SPEF2: variants seen among roughly 807,000 people sequenced by gnomAD.
The protein encoded by SPEF2 is sperm flagellar and cilia associated 2, also known as sperm flagella and cilia-associated protein 2.
In SPEF2, 187 loss-of-function variants were observed where a neutral mutation model predicts 224.6. That is an observed-to-expected ratio of 0.83 (90% CI 0.74 to 0.94). The LOEUF (loss-of-function observed/expected upper bound fraction) is 0.94, where lower values mean the gene tolerates loss of function less well. Ranked by LOEUF, SPEF2 falls within the 40% of genes least tolerant of loss-of-function variation. The pLI is 0.00. For synonymous variants in SPEF2, 715 were observed against 707.3 expected (o/e 1.01, Z -0.17); for missense variants, 2,170 against 2,135.6 (o/e 1.02, Z -0.32).
intron 15 of SPEF2, chr5:35,698,822 A>G (rs1755707739): frequency 6.6e-6 from 1 of 152,192 alleles, no homozygotes; most frequent in African/African-American, 2.4e-5. Context: ...CCATCATCTC[A>G]TGTCCTCAAA....
At chr5:35,713,222 G>A (rs13154215) in intron 20 of SPEF2, among the ~76,000 whole-genome samples, 114,077 of 151,816 alleles carry the variant, frequency 0.75, 43,211 homozygotes, top group Middle Eastern at 0.83. Flanking sequence ...CCCCTTATTG[G>A]ATTTCCTTCA....
chr5:35,777,843 G>A (rs955985469), intron 29 of SPEF2, among the ~76,000 whole-genome samples: 1 of 152,014 alleles, frequency 6.6e-6, no homozygotes, highest in Admixed American at 6.6e-5. Flanking sequence ...CTGATGCCCA[G>A]TAAAGGTATT....
chr5:35,674,337 CTTTTTTTTTT>C (rs35129181), intron 10 of SPEF2, among the ~76,000 whole-genome samples: 3 of 94,464 alleles, frequency 3.2e-5, no homozygotes, highest in Admixed American at 2.2e-4. Flanking sequence ...TTTTCGTCTT[CTTTTTTTTTT>C]TTTTTTTTTT....
In SPEF2 at chr5:35,733,763, C is replaced by CA. The variant is rs1746059022; in HGVS notation, c.3063+5941dup. Among the ~76,000 whole-genome samples the CA allele has an allele frequency of 2.0e-5, 3 of 150,950 alleles. No individual in the cohort carries two copies. The South Asian group carries it at 6.3e-4, about 32-fold the overall frequency. On this transcript the variant is annotated intron_variant, in intron 21 of 36. Coordinates refer to ENST00000356031, the MANE Select transcript of SPEF2 (RefSeq NM_024867.4). The stretch of plus-strand genomic sequence containing the variant: ...TGGAATAATTTTCACTACAGTAACT[C>CA]AGAGAGACAGTACAGTGAATTGTTT...
In SPEF2 at chr5:35,740,542, T is replaced by C. The variant is rs77818472; in HGVS notation, c.3330+275T>C. Among the ~76,000 whole-genome samples the C allele has an allele frequency of 4.0e-3, 608 of 152,294 alleles. 10 individuals carry two copies. Among genetic ancestry groups the C allele is most frequent in the African/African-American group, 0.014 (583 of 41,558 alleles). ...CTTGTAGATTTCTAGTCCCTTAGTC[T>C]CTTTGTGGGTCAATGTAACTGTGCT... On this transcript the variant is annotated intron_variant, in intron 23 of 36. Transcript: ENST00000356031.
At chr5:35,667,774 A>G (rs1750696920) in intron 9 of SPEF2, among the ~76,000 whole-genome samples, 1 of 152,160 alleles carries the variant, frequency 6.6e-6, no homozygotes, top group Non-Finnish European at 1.5e-5. Flanking sequence ...CTATCCCACA[A>G]AAGACTAATA....
At chr5:35,764,529 C>T (rs1289849345) in intron 26 of SPEF2, 2 of 455,298 alleles carry the variant, frequency 4.4e-6, no homozygotes, top group Non-Finnish European at 8.8e-6. Flanking sequence ...ATTGCTATTC[C>T]CTCATCTGCC....
At chr5:35,662,301 G>C (rs1436353832) in intron 8 of SPEF2, among the ~76,000 whole-genome samples, 1 of 151,922 alleles carries the variant, frequency 6.6e-6, no homozygotes, top group Non-Finnish European at 1.5e-5. Context: ...AAATTTGTCT[G>C]AGTTTCTTAT....
chr5:35,781,696 A>G (rs1754367612), intron 30 of SPEF2: 1 of 152,208 alleles, frequency 6.6e-6, no homozygotes, highest in Admixed American at 6.5e-5. Flanking sequence ...TGATGATTCA[A>G]AGTGAGTTAT....
intron 10 of SPEF2, among the ~76,000 whole-genome samples, chr5:35,690,501 A>G (rs765956804): frequency 2.0e-5 from 3 of 152,122 alleles, no homozygotes; most frequent in African/African-American, 4.8e-5. Context: ...TTCTAAAATC[A>G]ACTTCTAATT....
At chr5:35,786,281 G>T (rs1388848582) in intron 30 of SPEF2, among the ~76,000 whole-genome samples, 3 of 152,160 alleles carry the variant, frequency 2.0e-5, no homozygotes, top group Non-Finnish European at 4.4e-5. Flanking sequence ...ACTACAAGGA[G>T]ACTAATTTTA....
chr5:35,691,947 G>A (rs993132174), intron 11 of SPEF2, among the ~76,000 whole-genome samples: 1 of 151,610 alleles, frequency 6.6e-6, no homozygotes, highest in Admixed American at 6.6e-5. Flanking sequence ...CTACAGGTGC[G>A]CACCACTACA....
At chr5:35,690,625 T>TA (rs1754309041) in intron 10 of SPEF2, among the ~76,000 whole-genome samples, 2 of 152,112 alleles carry the variant, frequency 1.3e-5, no homozygotes, top group Admixed American at 1.3e-4. Flanking sequence ...ACGGTAGACT[T>TA]AGAGATGTTG....
chr5:35,776,216 C>A, intron 28 of SPEF2, 41 bp from the exon 29 acceptor site: 1 of 1,577,112 alleles, frequency 6.3e-7, no homozygotes, highest in South Asian at 1.2e-5. Flanking sequence ...AATGCATGCA[C>A]TGCAATATGT....
intron 7 of SPEF2, among the ~76,000 whole-genome samples, chr5:35,655,180 C>A (rs1160190617): frequency 6.6e-6 from 1 of 152,138 alleles, no homozygotes; most frequent in Non-Finnish European, 1.5e-5. Flanking sequence ...GGACGAACAG[C>A]ACCAGCATTG....
At chr5:35,640,472 C>T (rs1352725883) in intron 2 of SPEF2, among the ~76,000 whole-genome samples, 1 of 152,154 alleles carries the variant, frequency 6.6e-6, no homozygotes, top group African/African-American at 2.4e-5. Context: ...TCATATTCCT[C>T]AAAACATGGT....
chr5:35,807,350 C>A, intron 36 of SPEF2, 97 bp downstream of exon 36: 1 of 1,485,524 alleles, frequency 6.7e-7, no homozygotes, highest in Non-Finnish European at 9.0e-7. Context: ...GAGAAAGAAG[C>A]TGTACTCTGC....
rs1754388718 is a variant in SPEF2 at position 35,691,052 on chromosome 5, T to C, written c.1540T>C (p.Trp514Arg). The part of the protein sequence containing the change: ...YEEYKNMVGE[W>R]ALPEEMVDNL... ...ATTTTTACAGAACATGGTTGGAGAG[T>C]GGGCCTTACCAGAAGAAATGGTTGA... Residue 514 changes from tryptophan (W) to arginine (R), a missense_variant, in exon 11 of 37, where the codon TGG becomes CGG. Physicochemically the swap from Trp to Arg is moderately radical, Grantham distance 101. Coordinates refer to ENST00000356031, the MANE Select transcript of SPEF2 (RefSeq NM_024867.4). 1 of 1,613,626 alleles carries C rather than the reference T, an allele frequency of 6.2e-7. No individual in the cohort carries two copies. Among genetic ancestry groups the C allele is most frequent in the Admixed American group, 1.7e-5 (1 of 59,962 alleles).
chr5:35,670,096 C>T lies in SPEF2; in HGVS notation c.1393C>T (p.Leu465=). The T allele has an allele frequency of 6.2e-7, 1 of 1,609,680 alleles. No individual in the cohort carries two copies. The highest frequency in any genetic ancestry group is 2.2e-5 in the East Asian group (1 of 44,678). ...PYKLMHDWKE[L]FFNAKPIYEQ... ...TAAGTTGATGCATGATTGGAAGGAACTATTTTTTAATGCAAAACCCATATA... is the reference window on the plus strand; with the variant it reads ...TAAGTTGATGCATGATTGGAAGGAATTATTTTTTAATGCAAAACCCATATA... Residue 465 remains leucine (L), a synonymous_variant, in exon 10 of 37, where the codon CTA becomes TTA. Transcript: ENST00000356031.
Sources: allele counts gnomAD v4.1 joint callset (sites outside exome capture counted in the v4.1 genomes callset), GRCh38; gene constraint gnomAD v4.1.1; transcripts MANE v1.5; gene names NCBI Gene and HGNC (gene_info 2026-07-23, HGNC 2026-07-21).